The following SPAG16 variants were observed in gnomAD, a reference collection of about 807,000 sequenced individuals.
SPAG16 encodes the protein sperm-associated antigen 16 protein.
Under a neutral mutation model 80.4 loss-of-function variants are expected in SPAG16, and 86 were observed. That is an observed-to-expected ratio of 1.07 (90% confidence interval 0.90 to 1.28). SPAG16 has a LOEUF of 1.28. SPAG16 is among the 50% of genes most tolerant of loss of function. SPAG16 has a pLI of 0.00. For synonymous variants in SPAG16, 294 were observed against 265.9 expected (o/e 1.11, Z -1.03); for missense variants, 870 against 765.3 (o/e 1.14, Z -1.61).
At chr2:213,562,682 G>C (rs899310281) in intron 10 of SPAG16, among the ~76,000 whole-genome samples, 1 of 152,052 alleles carries the variant, frequency 6.6e-6, no homozygotes, top group Admixed American at 6.6e-5. Context: ...CATATTTATA[G>C]ATGGTGCTAT....
chr2:213,908,596 C>CTATA (rs2106155762), intron 11 of SPAG16, among the ~76,000 whole-genome samples: 1 of 152,154 alleles, frequency 6.6e-6, no homozygotes, highest in African/African-American at 2.4e-5. Flanking sequence ...TTCATAATAC[C>CTATA]TATATATAGT....
At chr2:214,300,801 G>A (rs543316795) in intron 15 of SPAG16, among the ~76,000 whole-genome samples, 9 of 151,660 alleles carry the variant, frequency 5.9e-5, no homozygotes, top group East Asian at 1.9e-4. Context: ...GCCCAGGAGC[G>A]GATGGATTCA....
chr2:214,065,791 T>G (rs1445086493), intron 13 of SPAG16, among the ~76,000 whole-genome samples: 1 of 152,164 alleles, frequency 6.6e-6, no homozygotes, highest in Non-Finnish European at 1.5e-5. Flanking sequence ...AGCCTCTCAT[T>G]CTTCTCCATT....
intron 11 of SPAG16, among the ~76,000 whole-genome samples, chr2:213,900,370 G>T (rs1042578150): frequency 5.9e-5 from 9 of 152,074 alleles, no homozygotes; most frequent in African/African-American, 1.9e-4. Flanking sequence ...ATCTCGGAAC[G>T]ACTGTGATTA....
At chr2:213,646,740 A>C (rs1194241768) in intron 10 of SPAG16, among the ~76,000 whole-genome samples, 1 of 152,220 alleles carries the variant, frequency 6.6e-6, no homozygotes, top group Non-Finnish European at 1.5e-5. Flanking sequence ...ATACTGTGTG[A>C]TGAAGTAATT....
At chr2:213,746,763 C>T (rs1445569552) in intron 10 of SPAG16, among the ~76,000 whole-genome samples, 1 of 152,036 alleles carries the variant, frequency 6.6e-6, no homozygotes, top group East Asian at 1.9e-4. Flanking sequence ...GCCAAGATCG[C>T]ACCACTGCAC....
At chr2:214,162,774 T>C (rs1481994385) in intron 15 of SPAG16, among the ~76,000 whole-genome samples, 1 of 152,158 alleles carries the variant, frequency 6.6e-6, no homozygotes, top group Non-Finnish European at 1.5e-5. Context: ...GTACTTCTTT[T>C]TAAAAAGTAT....
At chr2:213,930,424 C>T (rs2078699412) in intron 12 of SPAG16, among the ~76,000 whole-genome samples, 1 of 152,216 alleles carries the variant, frequency 6.6e-6, no homozygotes. Flanking sequence ...CTGTTTGTTT[C>T]AAGCAGGATA....
chr2:214,250,733 G>GATATATATATATATAT (rs59644776), intron 15 of SPAG16, among the ~76,000 whole-genome samples: 1 of 112,358 alleles, frequency 8.9e-6, no homozygotes, highest in African/African-American at 3.4e-5. Flanking sequence ...GGAGCTTTGA[G>GATATATATATATATAT]ATATATATAT....
At chr2:214,376,856 G>C (rs1700163108) in intron 15 of SPAG16, among the ~76,000 whole-genome samples, 1 of 152,192 alleles carries the variant, frequency 6.6e-6, no homozygotes, top group Non-Finnish European at 1.5e-5. Flanking sequence ...TCACAATGTA[G>C]TATCAGTTGA....
chr2:214,322,509 CAAA>C (rs34616486), intron 15 of SPAG16, among the ~76,000 whole-genome samples: 1 of 136,844 alleles, frequency 7.3e-6, no homozygotes, highest in African/African-American at 2.9e-5. Flanking sequence ...TCACCTTAGG[CAAA>C]AAAAAAAAAG....
chr2:213,288,327 C>T (rs892543084), intron 1 of SPAG16, among the ~76,000 whole-genome samples: 10 of 152,230 alleles, frequency 6.6e-5, no homozygotes, highest in Middle Eastern at 3.4e-3. Context: ...TTTTTTGAGA[C>T]GGAGTCTCGC....
chr2:213,307,854 C>G (rs2063016800), intron 3 of SPAG16, among the ~76,000 whole-genome samples: 2 of 152,218 alleles, frequency 1.3e-5, no homozygotes, highest in Middle Eastern at 6.8e-3. Context: ...CCTGTTGTTT[C>G]CTGACTTTTT....
At chr2:213,871,498 A>G (rs977508650) in intron 11 of SPAG16, among the ~76,000 whole-genome samples, 4 of 151,992 alleles carry the variant, frequency 2.6e-5, no homozygotes, top group African/African-American at 4.8e-5. Context: ...GCACACTGAC[A>G]TATTTCTAAG....
intron 10 of SPAG16, among the ~76,000 whole-genome samples, chr2:213,499,087 A>AT (rs567955414): frequency 3.6e-4 from 54 of 151,136 alleles, no homozygotes; most frequent in Non-Finnish European, 4.9e-4. Context: ...GCTCTAACCA[A>AT]TTTTTTTTTC....
intron 15 of SPAG16, among the ~76,000 whole-genome samples, chr2:214,296,306 A>G (rs888176633): frequency 3.3e-5 from 5 of 152,200 alleles, no homozygotes; most frequent in African/African-American, 1.2e-4. Flanking sequence ...ATGTGCACTT[A>G]GGTTGATTTC....
At position 213,523,124 on chromosome 2, in the gene SPAG16, G is replaced by C. The variant is rs111733449; in HGVS notation, c.1070+33034G>C. ...CATAATCCTCACATGTCATGGGAGG[G>C]ACCCAGTGGGAGGTAATTGAATCAT... On this transcript the variant is annotated intron_variant, in intron 10 of 15. Coordinates refer to ENST00000331683, the MANE Select transcript of SPAG16 (RefSeq NM_024532.5). 7.8e-4 allele frequency among the ~76,000 whole-genome samples: 119 copies of C among 152,228 alleles called. 2 individuals are homozygous for C. The highest frequency in any genetic ancestry group is 3.4e-3 in the Middle Eastern group (1 of 294).
At chr2:213,755,792 G>A (rs931496386) in intron 10 of SPAG16, among the ~76,000 whole-genome samples, 7 of 152,086 alleles carry the variant, frequency 4.6e-5, no homozygotes, top group African/African-American at 1.7e-4. Flanking sequence ...ATACCCAAGA[G>A]CACTGCATGA....
At chr2:213,989,024 T>C (rs1575746463) in intron 12 of SPAG16, among the ~76,000 whole-genome samples, 2 of 152,228 alleles carry the variant, frequency 1.3e-5, no homozygotes, top group Admixed American at 1.3e-4. Flanking sequence ...GGCCGGAGTT[T>C]CAAGGCTTTG....
Sources: gnomAD v4.1 joint callset for allele counts (sites outside exome capture counted in the v4.1 genomes callset) on GRCh38, gnomAD v4.1.1 for gene constraint, MANE v1.5 for transcripts, NCBI Gene and HGNC (gene_info 2026-07-23, HGNC 2026-07-21) for gene names.